The following SWAP70 variants were observed in gnomAD, a reference collection of about 807,000 sequenced individuals.
SWAP70 encodes switch-associated protein 70.
SWAP70 carries 34 observed loss-of-function variants against 80.2 expected under a neutral mutation model. The observed-to-expected ratio is 0.42, with a 90% CI of 0.32 to 0.56. The LOEUF (loss-of-function observed/expected upper bound fraction) is 0.56, where lower values mean the gene tolerates loss of function less well. SWAP70 is among the 20% of genes least tolerant of loss of function. SWAP70 has a pLI of 0.09. For missense variants in SWAP70, 578 were observed against 690.7 expected (o/e 0.84, Z 1.83); for synonymous variants, 239 against 238.5 (o/e 1.00, Z -0.02).
chr11:9,664,157 G>GGC lies in SWAP70; in HGVS notation c.-21_-20dup. ...AGGGGCTGGCTGGGCAGGAGGGGTT[G>GGC]GCGGGGCAGCAGGGCCGCGGCCATG... On this transcript the variant is annotated 5_prime_UTR_variant, in exon 1 of 12. Coordinates refer to ENST00000318950, the MANE Select transcript of SWAP70 (RefSeq NM_015055.4). 1 of 1,552,868 alleles carries GGC rather than the reference G, an allele frequency of 6.4e-7. No individual in the cohort carries two copies. Among genetic ancestry groups the GGC allele is most frequent in the Non-Finnish European group, 8.7e-7 (1 of 1,151,474 alleles).
intron 4 of SWAP70, among the ~76,000 whole-genome samples, chr11:9,727,799 C>A (rs138848489): frequency 0.01 from 1,590 of 152,214 alleles, 23 homozygotes; most frequent in South Asian, 0.075. Flanking sequence ...CAAGGGGATT[C>A]TATTGTCTGC....
intron 4 of SWAP70, among the ~76,000 whole-genome samples, chr11:9,725,537 AT>A (rs1851201113): frequency 5.0e-5 from 1 of 19,858 alleles, no homozygotes; most frequent in Non-Finnish European, 8.7e-5. Flanking sequence ...CAAAATATAT[AT>A]ATATATATAT....
chr11:9,670,091 A>G (rs1056716751), intron 1 of SWAP70, among the ~76,000 whole-genome samples: 2 of 152,086 alleles, frequency 1.3e-5, no homozygotes, highest in Admixed American at 6.6e-5. Flanking sequence ...CTCACCCTGT[A>G]CTCCAGCTGG....
At chr11:9,725,555 ATATATATATATATATTTT>A (rs1564829481) in intron 4 of SWAP70, among the ~76,000 whole-genome samples, 1 of 11,218 alleles carries the variant, frequency 8.9e-5, no homozygotes, top group East Asian at 1.8e-3. Context: ...ATATATATAT[ATATATATATATATATTTT>A]TTTTTTTTTT....
chr11:9,664,818 G>T (rs947811457), intron 1 of SWAP70, among the ~76,000 whole-genome samples: 17 of 152,184 alleles, frequency 1.1e-4, no homozygotes, highest in Admixed American at 1.1e-3. Context: ...CGGCCTCCAG[G>T]GTCCTTCTCC....
intron 9 of SWAP70, among the ~76,000 whole-genome samples, chr11:9,746,041 C>T (rs1851508104): frequency 6.6e-6 from 1 of 152,188 alleles, no homozygotes; most frequent in Non-Finnish European, 1.5e-5. Flanking sequence ...ATCAGCAGTG[C>T]CATCGCTCCT....
chr11:9,664,544 G>C (rs778887308), intron 1 of SWAP70, among the ~76,000 whole-genome samples: 1 of 152,268 alleles, frequency 6.6e-6, no homozygotes, highest in Non-Finnish European at 1.5e-5. Flanking sequence ...CATAAGGCTG[G>C]GGTGAAGTCT....
chr11:9,693,894 A>G (rs1163545962), intron 1 of SWAP70, among the ~76,000 whole-genome samples: 1 of 151,986 alleles, frequency 6.6e-6, no homozygotes, highest in African/African-American at 2.4e-5. Context: ...ATATTCACAG[A>G]TCTTGCATGG....
Position 9,672,285 on chromosome 11 carries a change from C to T in SWAP70, c.99+8007C>T, listed in dbSNP as rs1026749750. On this transcript the variant is annotated intron_variant, in intron 1 of 11. Transcript: ENST00000318950. ...TCCATGTCCCATAAACTTCATATTT[C>T]TTCTCTAAAGATAAATTATGAAAAG... 5.3e-5 allele frequency among the ~76,000 whole-genome samples: 7 copies of T among 132,430 alleles called. No homozygotes were observed. The Admixed American group carries it at 6.0e-4, about 11-fold the overall frequency. The allele number at this position is 132,430 out of a possible 152,430, so 86.9% of individuals were successfully genotyped here. A position where few individuals can be genotyped will look rare whatever the true frequency, so the allele number is the denominator to read the frequency against.
intron 3 of SWAP70, 127 bp downstream of exon 3, chr11:9,713,766 G>A: frequency 9.1e-7 from 1 of 1,104,520 alleles, no homozygotes. Flanking sequence ...TGGATCAGAG[G>A]CAAAGCAGCC....
intron 2 of SWAP70, among the ~76,000 whole-genome samples, chr11:9,710,619 C>T (rs1850983638): frequency 6.6e-6 from 1 of 151,362 alleles, no homozygotes; most frequent in Non-Finnish European, 1.5e-5. Flanking sequence ...CCATGCCTGC[C>T]TCCTCCAGTA....
intron 1 of SWAP70, among the ~76,000 whole-genome samples, chr11:9,671,498 AT>A (rs1176966352): frequency 2.2e-5 from 2 of 90,316 alleles, no homozygotes; most frequent in East Asian, 7.2e-4. Flanking sequence ...AAATATATAT[AT>A]AAATATATAT....
At chr11:9,736,678 G>A (rs1046473281) in intron 7 of SWAP70, among the ~76,000 whole-genome samples, 4 of 152,110 alleles carry the variant, frequency 2.6e-5, no homozygotes, top group Non-Finnish European at 5.9e-5. Flanking sequence ...CTCTCTTTGA[G>A]TGTCTTTCTC....
intron 4 of SWAP70, 86 bp from the exon 5 acceptor site, chr11:9,727,967 A>G: frequency 7.9e-7 from 1 of 1,266,898 alleles, no homozygotes; most frequent in Non-Finnish European, 1.1e-6. Context: ...ATATCAAATA[A>G]TGGAGTAGGC....
intron 1 of SWAP70, among the ~76,000 whole-genome samples, chr11:9,689,662 T>G (rs1454903896): frequency 6.6e-6 from 1 of 152,214 alleles, no homozygotes; most frequent in African/African-American, 2.4e-5. Context: ...TCTTTCTGAT[T>G]CTTTTGTCTT....
At chr11:9,722,026 A>G (rs753534196) in intron 3 of SWAP70, among the ~76,000 whole-genome samples, 2 of 152,176 alleles carry the variant, frequency 1.3e-5, no homozygotes, top group African/African-American at 2.4e-5. Context: ...TTAGTTTTGT[A>G]TTCTTCACTT....
chr11:9,715,378 T>C (rs1402682850), intron 3 of SWAP70, among the ~76,000 whole-genome samples: 5 of 152,302 alleles, frequency 3.3e-5, no homozygotes, highest in South Asian at 2.1e-4. Flanking sequence ...CTGTCCTATT[T>C]ACTGTACTGG....
chr11:9,682,910 GA>G (rs1850585846), intron 1 of SWAP70, among the ~76,000 whole-genome samples: 1 of 152,174 alleles, frequency 6.6e-6, no homozygotes, highest in Non-Finnish European at 1.5e-5. Flanking sequence ...CTCCTGGCCT[GA>G]AGTGATCACC....
chr11:9,677,147 T>A (rs1850512274), intron 1 of SWAP70, among the ~76,000 whole-genome samples: 1 of 152,120 alleles, frequency 6.6e-6, no homozygotes, highest in Admixed American at 6.5e-5. Context: ...ATTGTTACTT[T>A]TAAATTATGG....
Sources: gnomAD v4.1 joint callset for allele counts (sites outside exome capture counted in the v4.1 genomes callset) on GRCh38, gnomAD v4.1.1 for gene constraint, MANE v1.5 for transcripts, NCBI Gene and HGNC (gene_info 2026-07-23, HGNC 2026-07-21) for gene names.